DPP10: variants seen among roughly 807,000 people sequenced by gnomAD.
DPP10 encodes the protein dipeptidyl peptidase like 10.
DPP10 carries 33 observed loss-of-function variants against 120.9 expected under a neutral mutation model. The observed-to-expected ratio is 0.27, with a 90% CI of 0.21 to 0.37. The LOEUF (loss-of-function observed/expected upper bound fraction) is 0.37, where lower values mean the gene tolerates loss of function less well. Among genes scored for constraint, DPP10 ranks in the 10% least tolerant of loss-of-function variants. The probability of loss-of-function intolerance (pLI) is 1.00; values close to 1 mark genes in which losing one functional copy is unlikely to be tolerated. For missense variants in DPP10, 816 were observed against 942.8 expected, an observed-to-expected ratio of 0.87 and a Z score of 1.76; for synonymous variants, 337 against 326.1, an observed-to-expected ratio of 1.03 and a Z score of -0.36.
At chr2:115,471,002 C>A (rs2074676886) in intron 3 of DPP10, among the ~76,000 whole-genome samples, 2 of 152,076 alleles carry the variant, frequency 1.3e-5, no homozygotes, top group Non-Finnish European at 2.9e-5. Context: ...CTCTCTACCT[C>A]TATTATGTTC....
At chr2:115,110,893 T>C (rs1290076934) in intron 1 of DPP10, among the ~76,000 whole-genome samples, 10 of 152,188 alleles carry the variant, frequency 6.6e-5, no homozygotes, top group African/African-American at 2.2e-4. Context: ...CTTGTTTATA[T>C]TGGTATTTTA....
chr2:114,687,937 C>T (rs1699479920), intron 1 of DPP10, among the ~76,000 whole-genome samples: 1 of 151,994 alleles, frequency 6.6e-6, no homozygotes, highest in Admixed American at 6.6e-5. Flanking sequence ...CCAGGTAGAA[C>T]ATTAGTTTTT....
chr2:115,228,121 T>C (rs947656671), intron 1 of DPP10, among the ~76,000 whole-genome samples: 4 of 151,792 alleles, frequency 2.6e-5, no homozygotes, highest in African/African-American at 7.3e-5. Context: ...ATATTTTTTG[T>C]TGTTGTTGTT....
At chr2:115,178,987 G>C (rs1410415755) in intron 1 of DPP10, among the ~76,000 whole-genome samples, 1 of 152,196 alleles carries the variant, frequency 6.6e-6, no homozygotes, top group East Asian at 1.9e-4. Context: ...CATCTAGATA[G>C]CATTGGTCTA....
intron 1 of DPP10, among the ~76,000 whole-genome samples, chr2:115,119,032 C>T (rs2049685116): frequency 6.6e-6 from 1 of 152,056 alleles, no homozygotes; most frequent in African/African-American, 2.4e-5. Context: ...TCCAAGTTCC[C>T]CATCTGGCCC....
intron 1 of DPP10, among the ~76,000 whole-genome samples, chr2:114,507,428 C>T (rs542174876): frequency 6.6e-6 from 1 of 152,248 alleles, no homozygotes; most frequent in South Asian, 2.1e-4. Context: ...AAGAAGATTA[C>T]ACCATTTGTG....
intron 5 of DPP10, among the ~76,000 whole-genome samples, chr2:115,660,947 T>G (rs998392953): frequency 6.9e-6 from 1 of 145,952 alleles, no homozygotes; most frequent in Middle Eastern, 3.4e-3. Flanking sequence ...TGCAACCAGT[T>G]AAAAATTCAT....
chr2:115,764,839 TAAG>T (rs576125398), intron 12 of DPP10, among the ~76,000 whole-genome samples: 179 of 152,236 alleles, frequency 1.2e-3, no homozygotes, highest in Middle Eastern at 3.4e-3. Flanking sequence ...GTAGCAGTAA[TAAG>T]AAGCAGCAAA....
At chr2:114,649,984 A>G (rs1185649498) in intron 1 of DPP10, among the ~76,000 whole-genome samples, 2 of 152,140 alleles carry the variant, frequency 1.3e-5, no homozygotes, top group Non-Finnish European at 2.9e-5. Flanking sequence ...TAACTAGGAG[A>G]ACAAGTTTTG....
In DPP10 at chr2:115,394,897, C is replaced by T. The variant is rs146099484; in HGVS notation, c.271+50985C>T. The stretch of plus-strand genomic sequence containing the variant: ...ACTAAGAATAATTCTCGATAATCAA[C>T]GCTATCAGGAGTTGAGGGTGGCATA... On this transcript the variant is annotated intron_variant, in intron 3 of 25. Transcript: ENST00000410059. 1.1e-4 allele frequency among the ~76,000 whole-genome samples: 16 copies of T among 152,172 alleles called. 1 individual carries two copies. The East Asian group carries it at 1.4e-3, about 13-fold the overall frequency.
chr2:115,780,833 AT>A, intron 15 of DPP10, 40 bp from the exon 16 acceptor site: 1 of 1,580,078 alleles, frequency 6.3e-7, no homozygotes, highest in Non-Finnish European at 8.6e-7. Context: ...AGTGCCTAGA[AT>A]AGTAGCATTT....
At chr2:115,147,125 T>C (rs922031459) in intron 1 of DPP10, among the ~76,000 whole-genome samples, 2 of 151,630 alleles carry the variant, frequency 1.3e-5, no homozygotes, top group Non-Finnish European at 2.9e-5. Flanking sequence ...AAAAACTGAA[T>C]ATATTTGCAT....
chr2:115,827,505 T>C (rs1277118328), intron 21 of DPP10, among the ~76,000 whole-genome samples: 1 of 145,650 alleles, frequency 6.9e-6, no homozygotes, highest in Non-Finnish European at 1.5e-5. Flanking sequence ...ACAGTTGTCA[T>C]ACATTTTATG....
chr2:114,642,682 A>G (rs1421161503), intron 1 of DPP10, among the ~76,000 whole-genome samples: 3 of 151,786 alleles, frequency 2.0e-5, no homozygotes, highest in Non-Finnish European at 4.4e-5. Flanking sequence ...TGATGAAGTG[A>G]AAGCTTCACC....
At chr2:115,225,508 T>C (rs76672747) in intron 1 of DPP10, among the ~76,000 whole-genome samples, 16 of 143,076 alleles carry the variant, frequency 1.1e-4, no homozygotes, top group East Asian at 2.1e-4. Flanking sequence ...TGTGTGTGTG[T>C]GTGCGTGTGT....
intron 5 of DPP10, among the ~76,000 whole-genome samples, chr2:115,590,819 T>C (rs2082613784): frequency 6.6e-6 from 1 of 152,162 alleles, no homozygotes; most frequent in South Asian, 2.1e-4. Flanking sequence ...CCACATCCTC[T>C]CCAGCACCTG....
chr2:115,491,362 CG>C (rs1189475710), intron 3 of DPP10, among the ~76,000 whole-genome samples: 1 of 152,082 alleles, frequency 6.6e-6, no homozygotes, highest in African/African-American at 2.4e-5. Context: ...ACACGAAACA[CG>C]GCTGGCAGTT....
chr2:115,085,848 C>A (rs1708648803), intron 1 of DPP10, among the ~76,000 whole-genome samples: 1 of 152,188 alleles, frequency 6.6e-6, no homozygotes, highest in African/African-American at 2.4e-5. Flanking sequence ...TGTGCCATCA[C>A]CAACTCCTAT....
chr2:115,513,562 C>G (rs1398861079), intron 4 of DPP10, among the ~76,000 whole-genome samples: 3 of 151,688 alleles, frequency 2.0e-5, no homozygotes, highest in African/African-American at 7.3e-5. Flanking sequence ...TTAGCCATTG[C>G]CTTGTAATTT....
Sources: gnomAD v4.1 joint callset for allele counts (sites outside exome capture counted in the v4.1 genomes callset) on GRCh38, gnomAD v4.1.1 for gene constraint, MANE v1.5 for transcripts, NCBI Gene and HGNC (gene_info 2026-07-23, HGNC 2026-07-21) for gene names.